Variants in CNTNAP2 observed in about 807,000 individuals in gnomAD.
CNTNAP2 encodes the protein contactin associated protein 2, also known as contactin-associated protein-like 2.
CNTNAP2 carries 98 observed loss-of-function variants against 155.2 expected under a neutral mutation model. That is an observed-to-expected ratio of 0.63 (90% confidence interval 0.54 to 0.75). The LOEUF is 0.75. CNTNAP2 is among the 30% of genes least tolerant of loss of function. The probability of loss-of-function intolerance (pLI) is 0.00; values close to 1 mark genes in which losing one functional copy is unlikely to be tolerated. For missense variants in CNTNAP2, 1,727 were observed against 1,688.1 expected (o/e 1.02, Z -0.40); for synonymous variants, 651 against 631.2 (o/e 1.03, Z -0.47).
At chr7:146,854,252 AG>A in intron 3 of CNTNAP2, among the ~76,000 whole-genome samples, 1 of 152,328 alleles carries the variant, frequency 6.6e-6, no homozygotes, top group Middle Eastern at 3.4e-3. Context: ...CCTCTGTTGA[AG>A]GGTCATGGCT....
At chr7:147,419,749 A>T (rs994658552) in intron 10 of CNTNAP2, among the ~76,000 whole-genome samples, 2 of 152,176 alleles carry the variant, frequency 1.3e-5, no homozygotes, top group African/African-American at 4.8e-5. Context: ...ACATTACTGC[A>T]TCAAATTTGA....
intron 21 of CNTNAP2, among the ~76,000 whole-genome samples, chr7:148,317,977 G>A (rs541961640): frequency 6.6e-5 from 10 of 151,986 alleles, no homozygotes; most frequent in South Asian, 2.1e-4. Flanking sequence ...CTCCGTGCCC[G>A]GCCCTGCCCT....
intron 21 of CNTNAP2, among the ~76,000 whole-genome samples, chr7:148,314,742 C>T (rs893512217): frequency 6.6e-5 from 10 of 152,134 alleles, no homozygotes; most frequent in African/African-American, 1.7e-4. Context: ...TCCAGAAAAG[C>T]GGTACTTGCC....
chr7:146,164,673 G>A (rs1396371072), intron 1 of CNTNAP2, among the ~76,000 whole-genome samples: 1 of 152,160 alleles, frequency 6.6e-6, no homozygotes, highest in Non-Finnish European at 1.5e-5. Flanking sequence ...CATGAACATT[G>A]AGTTATTTTT....
intron 13 of CNTNAP2, among the ~76,000 whole-genome samples, chr7:147,862,547 G>T (rs903858332): frequency 6.6e-6 from 1 of 152,056 alleles, no homozygotes; most frequent in Non-Finnish European, 1.5e-5. Flanking sequence ...TAGGGTTGAG[G>T]TTCTTCAGCT....
intron 2 of CNTNAP2, among the ~76,000 whole-genome samples, chr7:146,828,835 G>A (rs1803456807): frequency 6.6e-6 from 1 of 152,040 alleles, no homozygotes; most frequent in Non-Finnish European, 1.5e-5. Context: ...GTAAAACAAT[G>A]TGTTTAAAAT....
In CNTNAP2 at chr7:147,320,585, G is replaced by A. The variant is rs73469276; in HGVS notation, c.1498+20295G>A. On this transcript the variant is annotated intron_variant, in intron 9 of 23. Coordinates refer to ENST00000361727, the MANE Select transcript of CNTNAP2 (RefSeq NM_014141.6). ...TCTCTGATGATGTACAGAACTCTAC[G>A]TCAGGTCAAGGTTTCATTTCTTGTG... Among the ~76,000 whole-genome samples the A allele has an allele frequency of 7.5e-3, 1,134 of 152,206 alleles. 13 individuals are homozygous for A. The highest frequency in any genetic ancestry group is 0.023 in the African/African-American group (970 of 41,522).
intron 1 of CNTNAP2, among the ~76,000 whole-genome samples, chr7:146,142,898 T>G (rs1452938237): frequency 6.6e-6 from 1 of 152,238 alleles, no homozygotes; most frequent in East Asian, 1.9e-4. Flanking sequence ...AGAAAATGAC[T>G]TTTAAAAAGA....
At chr7:148,001,477 A>G (rs1469064999) in intron 15 of CNTNAP2, among the ~76,000 whole-genome samples, 1 of 152,198 alleles carries the variant, frequency 6.6e-6, no homozygotes, top group Non-Finnish European at 1.5e-5. Context: ...TTTTTCTAGT[A>G]TCTTGTGAAC....
chr7:146,360,147 C>T (rs2129100634), intron 1 of CNTNAP2, among the ~76,000 whole-genome samples: 2 of 152,296 alleles, frequency 1.3e-5, no homozygotes, highest in African/African-American at 4.8e-5. Flanking sequence ...CCTGAATTTT[C>T]TATTTTCTTT....
chr7:148,024,643 A>G (rs930024818), intron 15 of CNTNAP2, among the ~76,000 whole-genome samples: 5 of 152,206 alleles, frequency 3.3e-5, no homozygotes, highest in African/African-American at 7.2e-5. Context: ...TTTCTTCTAC[A>G]TTATTTGACC....
At chr7:146,686,108 G>A (rs1259862527) in intron 1 of CNTNAP2, among the ~76,000 whole-genome samples, 3 of 151,992 alleles carry the variant, frequency 2.0e-5, no homozygotes, top group Admixed American at 6.6e-5. Context: ...ATCATCCTGG[G>A]CAACATACTG....
chr7:146,532,357 G>T (rs1797782593), intron 1 of CNTNAP2, among the ~76,000 whole-genome samples: 2 of 152,134 alleles, frequency 1.3e-5, no homozygotes, highest in East Asian at 3.9e-4. Flanking sequence ...GTTGATGGGG[G>T]ATGCTAAAGT....
intron 1 of CNTNAP2, among the ~76,000 whole-genome samples, chr7:146,562,599 C>G (rs1798296988): frequency 6.6e-6 from 1 of 152,090 alleles, no homozygotes; most frequent in South Asian, 2.1e-4. Context: ...TGTCTCAACA[C>G]TTAATGGCAA....
chr7:147,743,225 T>G (rs1314627200), intron 13 of CNTNAP2, among the ~76,000 whole-genome samples: 1 of 152,168 alleles, frequency 6.6e-6, no homozygotes, highest in Non-Finnish European at 1.5e-5. Context: ...TCCACTATGA[T>G]TGCATCGTAG....
At chr7:147,419,059 G>C (rs186544127) in intron 10 of CNTNAP2, among the ~76,000 whole-genome samples, 1 of 152,016 alleles carries the variant, frequency 6.6e-6, no homozygotes, top group Non-Finnish European at 1.5e-5. Context: ...TATGAAGAAA[G>C]ATTTCCAATG....
intron 9 of CNTNAP2, among the ~76,000 whole-genome samples, chr7:147,393,944 T>C (rs552054712): frequency 3.3e-5 from 5 of 152,188 alleles, no homozygotes; most frequent in African/African-American, 1.2e-4. Context: ...AAAGAAGATT[T>C]CTGCTCTACT....
chr7:147,407,467 C>CAAAAAAAAAAAAAAAAAAA (rs768738493), intron 10 of CNTNAP2, among the ~76,000 whole-genome samples: 2 of 64,904 alleles, frequency 3.1e-5, no homozygotes, highest in Non-Finnish European at 5.7e-5. Context: ...GACTCCCTCT[C>CAAAAAAAAAAAAAAAAAAA]AAAAAAAAAA....
At chr7:147,430,810 A>G (rs1330518965) in intron 10 of CNTNAP2, among the ~76,000 whole-genome samples, 2 of 152,128 alleles carry the variant, frequency 1.3e-5, no homozygotes, top group African/African-American at 2.4e-5. Flanking sequence ...CACACCTGTA[A>G]CCGCAGCACT....
Sources: gnomAD v4.1 joint callset for allele counts (sites outside exome capture counted in the v4.1 genomes callset) on GRCh38, gnomAD v4.1.1 for gene constraint, MANE v1.5 for transcripts, NCBI Gene and HGNC (gene_info 2026-07-23, HGNC 2026-07-21) for gene names.